The following ARID1B variants were observed in gnomAD, a reference collection of about 807,000 sequenced individuals.
The protein encoded by ARID1B is AT-rich interaction domain 1B.
In ARID1B, 30 loss-of-function variants were observed where a neutral mutation model predicts 212.3. That is an observed-to-expected ratio of 0.14 (90% CI 0.11 to 0.19). The LOEUF is 0.19. ARID1B is among the 10% of genes least tolerant of loss of function. ARID1B has a pLI of 1.00. For missense variants in ARID1B, 2,891 were observed against 3,204.0 expected (o/e 0.90, Z 2.36); for synonymous variants, 1,402 against 1,301.7 (o/e 1.08, Z -1.66).
At chr6:157,033,695 C>G (rs912871943) in intron 4 of ARID1B, among the ~76,000 whole-genome samples, 1 of 152,168 alleles carries the variant, frequency 6.6e-6, no homozygotes, top group Admixed American at 6.5e-5. Context: ...AGAGTGAGGA[C>G]TGTAAATGGC....
At chr6:156,962,252 T>C (rs1245633627) in intron 4 of ARID1B, among the ~76,000 whole-genome samples, 2 of 152,058 alleles carry the variant, frequency 1.3e-5, no homozygotes, top group East Asian at 3.9e-4. Context: ...TGAGCTGAGA[T>C]CACGCCACTG....
At chr6:157,045,788 C>T (rs982901264) in intron 4 of ARID1B, among the ~76,000 whole-genome samples, 2 of 152,054 alleles carry the variant, frequency 1.3e-5, no homozygotes, top group Non-Finnish European at 2.9e-5. Flanking sequence ...ACCTTTAGAG[C>T]AGTAGAGGAC....
intron 4 of ARID1B, among the ~76,000 whole-genome samples, chr6:157,066,530 G>A (rs1341212690): frequency 6.6e-6 from 1 of 151,514 alleles, no homozygotes; most frequent in Non-Finnish European, 1.5e-5. Context: ...GACATTTTTG[G>A]GCCAAAACAC....
At chr6:156,929,149 C>T (rs62434288) in intron 3 of ARID1B, among the ~76,000 whole-genome samples, 73 of 152,224 alleles carry the variant, frequency 4.8e-4, no homozygotes, top group African/African-American at 8.4e-4. Context: ...GTGGTGGTGT[C>T]GTTAGGATGA....
At chr6:156,985,626 T>G (rs532033678) in intron 4 of ARID1B, 70 of 152,364 alleles carry the variant, frequency 4.6e-4, no homozygotes, top group African/African-American at 1.6e-3. Flanking sequence ...ACATTAAAAG[T>G]TTTGCTTTTT....
chr6:156,888,334 C>T (rs779651277), intron 2 of ARID1B, among the ~76,000 whole-genome samples: 5 of 152,216 alleles, frequency 3.3e-5, no homozygotes, highest in Non-Finnish European at 7.3e-5. Context: ...ATGGTGTCCT[C>T]ACCATGTGCT....
intron 4 of ARID1B, chr6:157,022,950 C>T (rs933446515): frequency 3.3e-5 from 3 of 90,056 alleles, no homozygotes; most frequent in African/African-American, 2.1e-4. Flanking sequence ...TATTAACATT[C>T]TTCTGTTTTT....
chr6:156,882,456 T>TTA (rs1787175243), intron 2 of ARID1B, among the ~76,000 whole-genome samples: 1 of 152,172 alleles, frequency 6.6e-6, no homozygotes, highest in Non-Finnish European at 1.5e-5. Context: ...CACAATAAAG[T>TTA]ATCAGTCAAC....
intron 4 of ARID1B, among the ~76,000 whole-genome samples, chr6:157,057,904 T>G (rs562151741): frequency 6.6e-6 from 1 of 152,328 alleles, no homozygotes; most frequent in East Asian, 1.9e-4. Flanking sequence ...TTTTCTGATA[T>G]TCCAGAGGAA....
At chr6:156,948,856 T>C (rs1006860474) in intron 4 of ARID1B, among the ~76,000 whole-genome samples, 1 of 152,254 alleles carries the variant, frequency 6.6e-6, no homozygotes, top group African/African-American at 2.4e-5. Flanking sequence ...TTTAACATCT[T>C]TTTTCATTTT....
intron 1 of ARID1B, among the ~76,000 whole-genome samples, chr6:156,802,166 C>T (rs1448267210): frequency 6.6e-6 from 1 of 152,164 alleles, no homozygotes; most frequent in Non-Finnish European, 1.5e-5. Flanking sequence ...AAATCACAGC[C>T]CTTCTGAAAG....
chr6:157,163,860 G>A (rs907087150), intron 8 of ARID1B, among the ~76,000 whole-genome samples: 1 of 152,228 alleles, frequency 6.6e-6, no homozygotes, highest in Non-Finnish European at 1.5e-5. Flanking sequence ...TGTTAGCAGT[G>A]TTAGAGTCCC....
At chr6:156,847,391 G>A (rs934212055) in intron 2 of ARID1B, among the ~76,000 whole-genome samples, 1 of 152,200 alleles carries the variant, frequency 6.6e-6, no homozygotes, top group Non-Finnish European at 1.5e-5. Context: ...GGGAACTCAG[G>A]AAGTGCTGCT....
intron 4 of ARID1B, among the ~76,000 whole-genome samples, chr6:156,990,264 C>T (rs983669435): frequency 2.0e-5 from 3 of 151,436 alleles, no homozygotes; most frequent in Non-Finnish European, 4.4e-5. Flanking sequence ...GCCTGGAACT[C>T]CCGGCTCAAG....
chr6:156,984,224 G>C (rs548252191), intron 4 of ARID1B, among the ~76,000 whole-genome samples: 3 of 152,232 alleles, frequency 2.0e-5, no homozygotes. Flanking sequence ...ACAGCAGTCC[G>C]GTGCAGCTCC....
In ARID1B at chr6:156,778,786, C is replaced by G. The variant is rs1373204284; in HGVS notation, c.1106C>G (p.Ser369Cys). 1 of 1,507,068 alleles carries G rather than the reference C, an allele frequency of 6.6e-7. No homozygotes were observed. Among genetic ancestry groups the G allele is most frequent in the Non-Finnish European group, 8.9e-7 (1 of 1,125,642 alleles). The allele number at this position is 1,507,068 out of a possible 1,614,324, so 93.4% of individuals were successfully genotyped here. A position where few individuals can be genotyped will look rare whatever the true frequency, so the allele number is the denominator to read the frequency against. ...GGCAGCATGGACCCCCTGCAGAACTCCCACGAAGGGTACCCCAACAGCCAG... is the reference window on the plus strand; with the variant it reads ...GGCAGCATGGACCCCCTGCAGAACTGCCACGAAGGGTACCCCAACAGCCAG... ...APGSMDPLQN[S>C]HEGYPNSQCN... Residue 369 changes from serine to cysteine, a missense_variant, in exon 1 of 20, where the codon TCC (serine) becomes TGC (cysteine). Around this residue, in one of 7 missense-constraint regions of ARID1B, gnomAD observed 1,643 missense variants for 1,544.0 expected, o/e 1.06. Transcript: ENST00000636930.
chr6:156,990,494 A>G (rs568100434), intron 4 of ARID1B, among the ~76,000 whole-genome samples: 2 of 152,182 alleles, frequency 1.3e-5, no homozygotes, highest in South Asian at 4.2e-4. Context: ...TACAAAAATT[A>G]GCTGGGCGTG....
upstream of ARID1B, chr6:156,777,178 C>T (rs1778670457): frequency 6.6e-6 from 1 of 151,552 alleles, no homozygotes; most frequent in African/African-American, 2.4e-5. Flanking sequence ...CGCCCCACGC[C>T]GCCGCGCTCC....
Position 156,811,827 on chromosome 6 carries a change from G to T in ARID1B, c.1792-17400G>T, listed in dbSNP as rs531282732. Among the ~76,000 whole-genome samples the T allele has an allele frequency of 2.1e-3, 316 of 152,238 alleles. 2 individuals carry two copies. Among genetic ancestry groups the T allele is most frequent in the South Asian group, 3.5e-3 (17 of 4,820 alleles). On this transcript the variant is annotated intron_variant, in intron 1 of 19. Coordinates refer to ENST00000636930, the MANE Select transcript of ARID1B (RefSeq NM_001374828.1). ...GGGGACACAATTCATTCTGTAGCAGGCTAAGAAAGTCTTCTAGTTACATTC... is the reference window on the plus strand; with the variant it reads ...GGGGACACAATTCATTCTGTAGCAGTCTAAGAAAGTCTTCTAGTTACATTC...
Sources: allele counts gnomAD v4.1 joint callset (sites outside exome capture counted in the v4.1 genomes callset), GRCh38; gene constraint gnomAD v4.1.1; regional missense constraint gnomAD v4.1.1; transcripts MANE v1.5; gene names NCBI Gene and HGNC (gene_info 2026-07-23, HGNC 2026-07-21).